RBPMS: variants seen among roughly 807,000 people sequenced by gnomAD.
RBPMS encodes the protein RNA binding protein, mRNA processing factor.
RBPMS carries 7 observed loss-of-function variants against 26.8 expected under a neutral mutation model. The ratio of observed to expected loss-of-function variants is 0.26; its 90% confidence interval spans 0.15 to 0.49. The LOEUF (loss-of-function observed/expected upper bound fraction) is 0.49. RBPMS is among the 20% of genes least tolerant of loss of function. The pLI, the probability that RBPMS is intolerant of heterozygous loss-of-function variation, is 0.98. For synonymous variants in RBPMS, 96 were observed against 93.3 expected, an observed-to-expected ratio of 1.03 and a Z score of -0.17; for missense variants, 186 against 250.0, an observed-to-expected ratio of 0.74 and a Z score of 1.73.
At chr8:30,445,137 C>G (rs2150722420) in intron 1 of RBPMS, 1 of 152,092 alleles carries the variant, frequency 6.6e-6, no homozygotes, top group East Asian at 1.9e-4. Context: ...TCCTGTGATC[C>G]ATTAATATCT....
At chr8:30,465,737 C>T (rs1402651432) in intron 1 of RBPMS, among the ~76,000 whole-genome samples, 1 of 152,054 alleles carries the variant, frequency 6.6e-6, no homozygotes, top group Non-Finnish European at 1.5e-5. Context: ...TGCAGTGTGC[C>T]GAAATCGTGC....
intron 8 of RBPMS, among the ~76,000 whole-genome samples, chr8:30,570,345 G>A (rs761808008): frequency 6.6e-6 from 1 of 152,164 alleles, no homozygotes; most frequent in African/African-American, 2.4e-5. Flanking sequence ...TGACATGCTG[G>A]TAAGATGGCA....
chr8:30,554,406 C>T (rs1343775048), intron 6 of RBPMS, among the ~76,000 whole-genome samples: 2 of 152,200 alleles, frequency 1.3e-5, no homozygotes, highest in Admixed American at 1.3e-4. Context: ...TTGGGCAGCA[C>T]AGGTCTAGAT....
At chr8:30,500,586 A>G (rs970636772) in intron 4 of RBPMS, among the ~76,000 whole-genome samples, 3 of 152,164 alleles carry the variant, frequency 2.0e-5, no homozygotes, top group Non-Finnish European at 2.9e-5. Flanking sequence ...ATCAGGTATG[A>G]GGGTGCTCTG....
At chr8:30,486,375 C>A (rs199753270) in intron 4 of RBPMS, among the ~76,000 whole-genome samples, 4 of 141,310 alleles carry the variant, frequency 2.8e-5, no homozygotes, top group South Asian at 2.3e-4. Flanking sequence ...AAAAAAAAAA[C>A]AAAAAACAGG....
chr8:30,499,682 T>C (rs1454482485), intron 4 of RBPMS, among the ~76,000 whole-genome samples: 4 of 152,108 alleles, frequency 2.6e-5, no homozygotes, highest in African/African-American at 9.7e-5. Flanking sequence ...AATATCAAGC[T>C]CATGAAAGGT....
At chr8:30,502,156 T>TTTA (rs1820624225) in intron 4 of RBPMS, among the ~76,000 whole-genome samples, 1 of 149,708 alleles carries the variant, frequency 6.7e-6, no homozygotes, top group African/African-American at 2.5e-5. Context: ...TTTTTTTTTT[T>TTTA]AAATAAGGAT....
chr8:30,393,343 C>T (rs1808012407), intron 1 of RBPMS, among the ~76,000 whole-genome samples: 1 of 151,920 alleles, frequency 6.6e-6, no homozygotes, highest in Admixed American at 6.6e-5. Context: ...CATTTGCCAA[C>T]CCTGCACCTA....
chr8:30,388,499 CT>C (rs777346395), intron 1 of RBPMS, among the ~76,000 whole-genome samples: 6 of 49,236 alleles, frequency 1.2e-4, no homozygotes, highest in African/African-American at 5.0e-4. Context: ...TAACTTATAA[CT>C]TATAGCTATA....
intron 5 of RBPMS, among the ~76,000 whole-genome samples, chr8:30,541,860 A>G (rs1229434001): frequency 6.6e-6 from 1 of 152,212 alleles, no homozygotes; most frequent in Admixed American, 6.5e-5. Context: ...CAAGCAACGA[A>G]AAAGCAAACA....
chr8:30,446,807 G>C (rs1423843317), intron 1 of RBPMS: 23 of 88,222 alleles, frequency 2.6e-4, no homozygotes, highest in African/African-American at 1.3e-3. Flanking sequence ...GTGTGTGTGT[G>C]TGTGTGTGTG....
intron 5 of RBPMS, among the ~76,000 whole-genome samples, chr8:30,531,137 A>G (rs1824181942): frequency 6.6e-6 from 1 of 151,968 alleles, no homozygotes. Flanking sequence ...CCCGTCCCCT[A>G]ATTAAAAAAA....
intron 1 of RBPMS, among the ~76,000 whole-genome samples, chr8:30,388,096 A>C (rs1191758861): frequency 6.6e-6 from 1 of 152,198 alleles, no homozygotes; most frequent in East Asian, 1.9e-4. Flanking sequence ...CATTAAATAC[A>C]TGTGTAATAC....
intron 5 of RBPMS, among the ~76,000 whole-genome samples, chr8:30,532,378 C>T (rs781402040): frequency 6.6e-6 from 1 of 152,192 alleles, no homozygotes; most frequent in Non-Finnish European, 1.5e-5. Context: ...GATTGTATTC[C>T]TTACCTTTTT....
At chr8:30,529,852 C>G (rs2151008209) in intron 5 of RBPMS, among the ~76,000 whole-genome samples, 1 of 151,380 alleles carries the variant, frequency 6.6e-6, no homozygotes. Flanking sequence ...TTTCCAGGTT[C>G]AAGCGATTCT....
At chr8:30,522,259 C>A (rs1416663502) in intron 5 of RBPMS, among the ~76,000 whole-genome samples, 3 of 150,608 alleles carry the variant, frequency 2.0e-5, no homozygotes, top group African/African-American at 4.9e-5. Flanking sequence ...CATAGTGAGA[C>A]CCCATCTCTA....
At chr8:30,462,609 C>T (rs1169870625) in intron 1 of RBPMS, among the ~76,000 whole-genome samples, 3 of 151,888 alleles carry the variant, frequency 2.0e-5, no homozygotes, top group Admixed American at 6.6e-5. Context: ...TTAGTAGAGA[C>T]GAGGTTTCAC....
chr8:30,471,512 G>C (rs1166590138), intron 1 of RBPMS, among the ~76,000 whole-genome samples: 1 of 152,032 alleles, frequency 6.6e-6, no homozygotes. Context: ...CACTTAGAAC[G>C]TAAGTTCTGC....
intron 4 of RBPMS, among the ~76,000 whole-genome samples, chr8:30,494,785 T>C (rs1269394154): frequency 6.6e-6 from 1 of 152,216 alleles, no homozygotes; most frequent in East Asian, 1.9e-4. Context: ...AACCAAGACC[T>C]TCTTCTCCTG....
Sources: gnomAD v4.1 joint callset for allele counts (sites outside exome capture counted in the v4.1 genomes callset) on GRCh38, gnomAD v4.1.1 for gene constraint, MANE v1.5 for transcripts, NCBI Gene and HGNC (gene_info 2026-07-23, HGNC 2026-07-21) for gene names.